Variants in RNF31 observed in about 807,000 individuals in gnomAD.
The protein encoded by RNF31 is E3 ubiquitin-protein ligase RNF31.
Under a neutral mutation model 133.6 loss-of-function variants are expected in RNF31, and 38 were observed. The ratio of observed to expected loss-of-function variants is 0.28; its 90% CI spans 0.22 to 0.37. The LOEUF is 0.37. RNF31 is among the 10% of genes least tolerant of loss of function. The pLI is 1.00. For synonymous variants in RNF31, 582 were observed against 552.3 expected, an observed-to-expected ratio of 1.05 and a Z score of -0.75; for missense variants, 1,118 against 1,394.1, an observed-to-expected ratio of 0.80 and a Z score of 3.15.
intron 5 of RNF31, 109 bp from the exon 6 acceptor site, chr14:24,149,297 T>C (rs2038227457): frequency 4.3e-6 from 5 of 1,151,858 alleles, no homozygotes; most frequent in Admixed American, 2.6e-5. Flanking sequence ...AATTGTTTCC[T>C]TGGGTCCAGA....
intron 11 of RNF31, among the ~76,000 whole-genome samples, chr14:24,154,327 T>C (rs1473243721): frequency 6.6e-6 from 1 of 152,192 alleles, no homozygotes; most frequent in Non-Finnish European, 1.5e-5. Context: ...TTGGCTAATT[T>C]TGTATTTTTA....
intron 5 of RNF31, 121 bp downstream of exon 5, chr14:24,148,997 CTT>C: frequency 1.0e-6 from 1 of 978,178 alleles, no homozygotes; most frequent in Non-Finnish European, 1.6e-6. Flanking sequence ...GAGTTTTGCT[CTT>C]GTTGCCCAGG....
In RNF31 at chr14:24,150,222, A is replaced by T; in HGVS notation, c.971A>T (p.Asp324Val). 6.2e-7 allele frequency: 1 copy of T among 1,614,178 alleles called. No homozygotes were observed. Among genetic ancestry groups the T allele is most frequent in the East Asian group, 2.2e-5 (1 of 44,884 alleles). Residue 324 changes from aspartate (D) to valine (V), a missense_variant, in exon 7 of 21, where the codon GAT becomes GTT. This residue lies in a region of RNF31 where 747 missense variants were observed against 827.9 expected (regional missense o/e 0.90). Coordinates refer to ENST00000324103, the MANE Select transcript of RNF31 (RefSeq NM_017999.5). Reference protein sequence around the residue: ...EPWAVLCVACDRPRGCKGLGL... With the variant: ...EPWAVLCVACVRPRGCKGLGL... ...TGGGCAGTGCTCTGTGTGGCCTGTG[A>T]TCGGCCCCGAGGCTGTAAGGGGTTG...
intron 11 of RNF31, among the ~76,000 whole-genome samples, chr14:24,153,836 A>G (rs924744185): frequency 5.3e-5 from 8 of 149,730 alleles, no homozygotes; most frequent in Admixed American, 4.0e-4. Flanking sequence ...CCTGGGAGAC[A>G]GAGGTTGCAG....
At chr14:24,147,008 G>A, upstream of RNF31, 1 of 236,152 alleles carries the variant, frequency 4.2e-6, no homozygotes, top group Non-Finnish European at 8.5e-6. Context: ...AGAGCGAGTG[G>A]GAGGGGCAGC....
At position 24,158,203 on chromosome 14, in the gene RNF31, A is replaced by G. The variant is rs1435643070; in HGVS notation, c.2899+4A>G. 6.2e-7 allele frequency: 1 copy of G among 1,613,884 alleles called. No homozygotes were observed. The highest frequency in any genetic ancestry group is 1.1e-5 in the South Asian group (1 of 91,078). On this transcript the variant is annotated splice_donor_region_variant and intron_variant, in intron 18 of 20. Coordinates refer to ENST00000324103, the MANE Select transcript of RNF31 (RefSeq NM_017999.5). ...GGGGCCCGGGCAGTCCCTGGAGGTG[A>G]GTGTTAGGACAAGCCTTTGAGAAGA...
rs537865247 is a variant in RNF31, at chr14:24,153,305, A to G, written c.2130+1313A>G. Among the ~76,000 whole-genome samples the G allele has an allele frequency of 2.6e-5, 4 of 151,432 alleles. No homozygotes were observed. The East Asian group carries it at 8.0e-4, about 30-fold the overall frequency. ...TAAAAAAATAAATAAAGGTCCGGGC[A>G]TGGTGGCTCACGCCTGTCATCCCTG... On this transcript the variant is annotated intron_variant, in intron 11 of 20. Transcript: ENST00000324103.
In RNF31 at chr14:24,155,594, C is replaced by G. The variant is rs376896874; in HGVS notation, c.2404-9C>G. 14 of 1,613,998 alleles carry G rather than the reference C, an allele frequency of 8.7e-6. No individual in the cohort carries two copies. In the Admixed American group the frequency reaches 2.2e-4, roughly 25 times the overall value. On this transcript the variant is annotated splice_polypyrimidine_tract_variant and intron_variant, in intron 13 of 20. Coordinates refer to ENST00000324103, the MANE Select transcript of RNF31 (RefSeq NM_017999.5). This position sits in a 1 kb window ranked among gnomAD's most constrained non-coding sequence, Gnocchi z 4.9. ...GGCCTTTGATAACTTTATGCTCTTG[C>G]ACTTCCAGTGCTCCTTTGGCTTCAT...
chr14:24,147,495 C>G, upstream of RNF31: 1 of 446,832 alleles, frequency 2.2e-6, no homozygotes. Flanking sequence ...CCCACCCTCT[C>G]TCCTAGTACT....
chr14:24,149,770 G>A (rs1279566845), intron 6 of RNF31, among the ~76,000 whole-genome samples, 187 bp downstream of exon 6: 1 of 152,196 alleles, frequency 6.6e-6, no homozygotes, highest in Non-Finnish European at 1.5e-5. Context: ...AGGTTGTTAT[G>A]GTAATAGGTG....
At position 24,151,136 on chromosome 14, in the gene RNF31, G is replaced by A; in HGVS notation, c.1494G>A (p.Gly498=). 2 of 1,613,778 alleles carry A rather than the reference G, an allele frequency of 1.2e-6. No homozygotes were observed. Among genetic ancestry groups the A allele is most frequent in the Non-Finnish European group, 1.7e-6 (2 of 1,179,880 alleles). The stretch of plus-strand genomic sequence containing the variant: ...TGGGCGGGACTGTGCCTTAGGAAGG[G>A]GAAGCCGCAGGTGCCTGTCCAGAGG... The part of the protein sequence containing the change: ...GLQLVSMIRE[G]EAAGACPEEI... The change falls in exon 9 of 21, where the codon GGG becomes GGA. Residue 498 remains glycine, a synonymous_variant. Transcript: ENST00000324103. This position sits in a 1 kb window ranked among gnomAD's most constrained non-coding sequence, Gnocchi z 5.3.
In RNF31 at chr14:24,160,036, G is replaced by A; in HGVS notation, c.2996+76G>A. The A allele has an allele frequency of 6.9e-7, 1 of 1,449,662 alleles. No homozygotes were observed. The highest frequency in any genetic ancestry group is 1.4e-5 in the African/African-American group (1 of 71,950). 89.8% of individuals were successfully genotyped at this position (1,449,662 alleles called of 1,614,324 possible). On this transcript the variant is annotated intron_variant, in intron 19 of 20. Coordinates refer to ENST00000324103, the MANE Select transcript of RNF31 (RefSeq NM_017999.5). This position sits in a 1 kb window ranked among gnomAD's most constrained non-coding sequence, Gnocchi z 4.0. ...TGAGGGCATGCCCAGGCAGTAAAAT[G>A]GGTCCTTGGGAGCAGTAGGTCTTGC... is the stretch of plus-strand genomic sequence containing the variant.
Position 24,150,058 on chromosome 14 carries a change from C to T in RNF31, c.810-3C>T. ...GCAGGCCATGTCTGCTTTTCCATTA[C>T]AGTTTACCTGCCTCAGCCCAACCAC... On this transcript the variant is annotated splice_polypyrimidine_tract_variant and splice_region_variant and intron_variant, in intron 6 of 20. Transcript: ENST00000324103. 1.3e-6 allele frequency: 2 copies of T among 1,557,208 alleles called. No individual in the cohort carries two copies. The highest frequency in any genetic ancestry group is 1.7e-6 in the Non-Finnish European group (2 of 1,150,496).
intron 18 of RNF31, among the ~76,000 whole-genome samples, chr14:24,159,142 C>G (rs1047889765): frequency 6.7e-6 from 1 of 149,186 alleles, no homozygotes; most frequent in African/African-American, 2.5e-5. Flanking sequence ...GTCAGGAGTT[C>G]GTGACCAACC....
chr14:24,153,066 G>A (rs1256368827), intron 11 of RNF31, among the ~76,000 whole-genome samples: 5 of 149,830 alleles, frequency 3.3e-5, no homozygotes, highest in Admixed American at 2.0e-4. Flanking sequence ...GGGCAACAGC[G>A]CAAGACTCCG....
At chr14:24,149,729 C>T (rs1467491291) in intron 6 of RNF31, 146 bp downstream of exon 6, 16 of 870,146 alleles carry the variant, frequency 1.8e-5, no homozygotes, top group Non-Finnish European at 2.4e-5. Context: ...AATAGACATA[C>T]ACATCAAGCA....
chr14:24,152,755 C>T (rs1190459197), intron 11 of RNF31, among the ~76,000 whole-genome samples: 1 of 152,210 alleles, frequency 6.6e-6, no homozygotes, highest in Non-Finnish European at 1.5e-5. Context: ...CTAAGAAGGG[C>T]TTATTCCTAT....
At chr14:24,158,992 C>T (rs773051158) in intron 18 of RNF31, among the ~76,000 whole-genome samples, 130 of 141,512 alleles carry the variant, frequency 9.2e-4, no homozygotes, top group Non-Finnish European at 1.7e-3. Context: ...GAGATGGCGC[C>T]ACCGCACTCC....
intron 5 of RNF31, 157 bp downstream of exon 5, chr14:24,149,033 C>T (rs112309739): frequency 0.012 from 9,010 of 722,062 alleles, 121 homozygotes; most frequent in Non-Finnish European, 0.012. Flanking sequence ...GTGCGATCTC[C>T]GCTCACCGCA....
Sources: allele counts gnomAD v4.1 joint callset (sites outside exome capture counted in the v4.1 genomes callset), GRCh38; gene constraint gnomAD v4.1.1; regional missense constraint gnomAD v4.1.1; non-coding constraint Gnocchi (gnomAD v3.1); transcripts MANE v1.5; gene names NCBI Gene and HGNC (gene_info 2026-07-23, HGNC 2026-07-21).